The following KIF16B variants were observed in gnomAD, a reference collection of about 807,000 sequenced individuals.
KIF16B encodes kinesin-like protein KIF16B.
Under a neutral mutation model 156.3 loss-of-function variants are expected in KIF16B, and 98 were observed. That is an observed-to-expected ratio of 0.63 (90% confidence interval 0.53 to 0.74). The LOEUF is 0.74. Among genes scored for constraint, KIF16B ranks in the 30% least tolerant of loss-of-function variants. The pLI, the probability that KIF16B is intolerant of heterozygous loss-of-function variation, is 0.00. For missense variants in KIF16B, 1,421 were observed against 1,606.5 expected (o/e 0.88, Z 1.97); for synonymous variants, 564 against 583.7 (o/e 0.97, Z 0.49).
In KIF16B at chr20:16,356,329, C is replaced by A; in HGVS notation, c.3621+1G>T. ...TCCAGAAGAGTCAAGAAGACACTCA[C>A]CTTGACCTCAAACTCGAAGTGTGCA... On this transcript the variant is annotated splice_donor_variant, in intron 23 of 25. Coordinates refer to ENST00000354981, the MANE Select transcript of KIF16B (RefSeq NM_024704.5). LOFTEE classifies it high-confidence loss of function. 1 of 1,614,118 alleles carries A rather than the reference C, an allele frequency of 6.2e-7. No individual in the cohort carries two copies. Among genetic ancestry groups the A allele is most frequent in the South Asian group, 1.1e-5 (1 of 91,082 alleles).
chr20:16,351,226 GT>G (rs2064333027), intron 23 of KIF16B, among the ~76,000 whole-genome samples: 1 of 152,174 alleles, frequency 6.6e-6, no homozygotes, highest in African/African-American at 2.4e-5. Flanking sequence ...ATGTTACCGT[GT>G]TGACATGTAA....
At chr20:16,445,749 C>T (rs1265843538) in intron 12 of KIF16B, among the ~76,000 whole-genome samples, 1 of 152,138 alleles carries the variant, frequency 6.6e-6, no homozygotes, top group Non-Finnish European at 1.5e-5. Flanking sequence ...GGACAGTGTG[C>T]AAAGTGCTTG....
In KIF16B at chr20:16,367,451, T is replaced by A. The variant is rs769837378; in HGVS notation, c.3498+3135A>T. ...TCAAATTGTGCACCCGGAGGAGGTA[T>A]GTTTCGAGATCGAATGCGTGGATAA... On this transcript the variant is annotated intron_variant, in intron 22 of 25. Coordinates refer to ENST00000354981, the MANE Select transcript of KIF16B (RefSeq NM_024704.5). 4 of 1,612,780 alleles carry A rather than the reference T, an allele frequency of 2.5e-6. No homozygotes were observed. The African/African-American group carries it at 4.0e-5, about 16-fold the overall frequency.
intron 22 of KIF16B, chr20:16,367,823 A>G: frequency 6.2e-7 from 1 of 1,610,830 alleles, no homozygotes; most frequent in Non-Finnish European, 8.5e-7. Flanking sequence ...AGGTCACGAC[A>G]CAGCTGTTGA....
chr20:16,381,201 C>G (rs575264340), intron 18 of KIF16B, among the ~76,000 whole-genome samples: 1 of 152,002 alleles, frequency 6.6e-6, no homozygotes, highest in East Asian at 1.9e-4. Flanking sequence ...TCCACCCTGC[C>G]CCCCCATACA....
chr20:16,506,278 C>T, intron 7 of KIF16B, 88 bp from the exon 8 acceptor site: 1 of 1,097,966 alleles, frequency 9.1e-7, no homozygotes, highest in South Asian at 1.3e-5. Context: ...TTCTGCTCCT[C>T]ACTGAGATCT....
chr20:16,327,550 A>G (rs1175428236), intron 24 of KIF16B, among the ~76,000 whole-genome samples: 3 of 152,144 alleles, frequency 2.0e-5, no homozygotes, highest in African/African-American at 7.2e-5. Context: ...TTTGCTCCCA[A>G]TTACACACTC....
At chr20:16,474,756 T>C (rs2876429) in intron 12 of KIF16B, among the ~76,000 whole-genome samples, 78,877 of 152,064 alleles carry the variant, frequency 0.52, 21,723 homozygotes, top group African/African-American at 0.72. Flanking sequence ...GGCAACTATG[T>C]ACCACTAAAC....
At chr20:16,348,332 C>G (rs1281811564) in intron 23 of KIF16B, among the ~76,000 whole-genome samples, 1 of 152,176 alleles carries the variant, frequency 6.6e-6, no homozygotes, top group Non-Finnish European at 1.5e-5. Flanking sequence ...TTAGACCTGA[C>G]ATGAACATTA....
chr20:16,293,747 T>C (rs1298139480), intron 25 of KIF16B, among the ~76,000 whole-genome samples: 2 of 152,132 alleles, frequency 1.3e-5, no homozygotes, highest in Non-Finnish European at 2.9e-5. Context: ...ATGAAACACC[T>C]GGTGCTCTGA....
intron 17 of KIF16B, among the ~76,000 whole-genome samples, chr20:16,385,933 C>G (rs536890725): frequency 6.6e-6 from 1 of 152,290 alleles, no homozygotes; most frequent in South Asian, 2.1e-4. Context: ...GATTCTAGAG[C>G]CCACAATTTT....
At chr20:16,446,349 G>T (rs1351071667) in intron 12 of KIF16B, among the ~76,000 whole-genome samples, 6 of 152,200 alleles carry the variant, frequency 3.9e-5, no homozygotes, top group Non-Finnish European at 8.8e-5. Context: ...CCAGATCGGG[G>T]TTAGTTTTTA....
chr20:16,328,653 C>T lies in KIF16B; in HGVS notation c.3711+7273G>A, dbSNP rs879793925. On this transcript the variant is annotated intron_variant, in intron 24 of 25. Transcript: ENST00000354981. The stretch of plus-strand genomic sequence containing the variant: ...AGGTTCCTGACTTAGTCCGTTCGGG[C>T]TGCTATAACAAAATACCTTAGACTG... Among the ~76,000 whole-genome samples, 10 of 152,238 alleles carry T rather than the reference C, an allele frequency of 6.6e-5. No individual in the cohort carries two copies. In the East Asian group the frequency reaches 1.7e-3, roughly 26 times the overall value.
intron 12 of KIF16B, among the ~76,000 whole-genome samples, chr20:16,448,876 CAG>C (rs138248990): frequency 4.5e-3 from 652 of 144,394 alleles, no homozygotes; most frequent in African/African-American, 5.0e-3. Flanking sequence ...AGAAATATGA[CAG>C]AGAGAGAGAG....
intron 12 of KIF16B, among the ~76,000 whole-genome samples, chr20:16,468,709 A>C (rs1441639323): frequency 1.3e-5 from 2 of 152,162 alleles, no homozygotes; most frequent in Non-Finnish European, 2.9e-5. Flanking sequence ...GACAGAGCTG[A>C]AAGAACAAAT....
Position 16,451,921 on chromosome 20 carries a change from T to C in KIF16B, c.1303-21939A>G, listed in dbSNP as rs1229500990. Among the ~76,000 whole-genome samples the C allele has an allele frequency of 2.0e-5, 3 of 152,176 alleles. No individual in the cohort carries two copies. In the East Asian group the frequency reaches 5.8e-4, roughly 29 times the overall value. ...GCACTGCTCACACCTGACTCTTCCT[T>C]CTTGTCCTAAAAAGCATGAAAAGCA... is the stretch of plus-strand genomic sequence containing the variant. On this transcript the variant is annotated intron_variant, in intron 12 of 25. Transcript: ENST00000354981.
chr20:16,371,823 CCT>C (rs1289300558), intron 20 of KIF16B, 62 bp from the exon 21 acceptor site: 2 of 1,126,196 alleles, frequency 1.8e-6, no homozygotes, highest in African/African-American at 3.1e-5. Context: ...ATTCTGAGAT[CCT>C]CTCTTTACTA....
intron 15 of KIF16B, among the ~76,000 whole-genome samples, chr20:16,410,938 T>A (rs2065938345): frequency 6.6e-6 from 1 of 151,762 alleles, no homozygotes; most frequent in East Asian, 1.9e-4. Context: ...GCAGTCAGTG[T>A]CTTTCTAGAG....
At chr20:16,363,801 A>T (rs142337436) in intron 22 of KIF16B, among the ~76,000 whole-genome samples, 146 of 152,342 alleles carry the variant, frequency 9.6e-4, no homozygotes, top group African/African-American at 3.3e-3. Context: ...AAAGCAGCAG[A>T]ATAAAATAAA....
Sources: gnomAD v4.1 joint callset for allele counts (sites outside exome capture counted in the v4.1 genomes callset) on GRCh38, gnomAD v4.1.1 for gene constraint, MANE v1.5 for transcripts, NCBI Gene and HGNC (gene_info 2026-07-23, HGNC 2026-07-21) for gene names.